Variants in GALNTL6 observed in about 807,000 individuals in gnomAD.
GALNTL6 encodes the protein polypeptide N-acetylgalactosaminyltransferase like 6.
Under a neutral mutation model 73.7 loss-of-function variants are expected in GALNTL6, and 46 were observed. The observed-to-expected ratio is 0.62, with a 90% confidence interval of 0.49 to 0.80. The LOEUF is 0.80. GALNTL6 is among the 30% of genes least tolerant of loss of function. The pLI is 0.00. For missense variants in GALNTL6, 604 were observed against 755.0 expected (o/e 0.80, Z 2.34); for synonymous variants, 259 against 263.7 (o/e 0.98, Z 0.17).
intron 5 of GALNTL6, among the ~76,000 whole-genome samples, chr4:172,687,797 G>A (rs965236783): frequency 6.6e-6 from 1 of 152,088 alleles, no homozygotes; most frequent in Non-Finnish European, 1.5e-5. Context: ...TTTGGGCTGG[G>A]GAAAAGCCCC....
chr4:171,880,598 A>G (rs1736420081), intron 2 of GALNTL6, among the ~76,000 whole-genome samples: 1 of 152,218 alleles, frequency 6.6e-6, no homozygotes, highest in African/African-American at 2.4e-5. Context: ...GCACAAAATA[A>G]CAACACTCAC....
At chr4:172,267,520 A>G (rs988705153) in intron 3 of GALNTL6, among the ~76,000 whole-genome samples, 2 of 152,118 alleles carry the variant, frequency 1.3e-5, no homozygotes, top group Non-Finnish European at 2.9e-5. Flanking sequence ...TTTCTCAGAG[A>G]ATCATGGAAG....
intron 5 of GALNTL6, among the ~76,000 whole-genome samples, chr4:172,493,551 A>G (rs996714999): frequency 1.3e-5 from 2 of 152,178 alleles, no homozygotes; most frequent in Non-Finnish European, 2.9e-5. Flanking sequence ...ACTTGGTACC[A>G]GGTTTAACCG....
chr4:171,874,680 G>T (rs17057526), intron 2 of GALNTL6, among the ~76,000 whole-genome samples: 37,752 of 152,036 alleles, frequency 0.25, 4,781 homozygotes, highest in Middle Eastern at 0.33. Flanking sequence ...GAAGTATTGA[G>T]TTTTTGTCCT....
chr4:172,409,744 T>C (rs1045809685), intron 5 of GALNTL6, among the ~76,000 whole-genome samples: 1 of 152,018 alleles, frequency 6.6e-6, no homozygotes, highest in Non-Finnish European at 1.5e-5. Flanking sequence ...TTAACAATTT[T>C]TGGATATAAT....
At chr4:172,412,915 T>C (rs560355526) in intron 5 of GALNTL6, among the ~76,000 whole-genome samples, 1 of 152,300 alleles carries the variant, frequency 6.6e-6, no homozygotes, top group South Asian at 2.1e-4. Context: ...TACTGCTGAC[T>C]GAGTCAAAAA....
intron 5 of GALNTL6, among the ~76,000 whole-genome samples, chr4:172,725,545 T>C (rs1298374234): frequency 6.6e-6 from 1 of 152,190 alleles, no homozygotes; most frequent in Non-Finnish European, 1.5e-5. Context: ...ACAGTATAAA[T>C]GTTCCTAATT....
chr4:171,940,025 T>C (rs1738479467), intron 2 of GALNTL6, among the ~76,000 whole-genome samples: 2 of 152,158 alleles, frequency 1.3e-5, no homozygotes, highest in African/African-American at 4.8e-5. Flanking sequence ...TAACTCACTG[T>C]ACGGTCTTCG....
intron 8 of GALNTL6, among the ~76,000 whole-genome samples, chr4:172,897,367 A>G (rs1332973612): frequency 6.6e-6 from 1 of 152,196 alleles, no homozygotes; most frequent in Non-Finnish European, 1.5e-5. Context: ...GATATGGGCA[A>G]TTCGCCCTCT....
rs113936268 is a variant in GALNTL6, at chr4:172,534,817, C to T, written c.553+186128C>T. Among the ~76,000 whole-genome samples, 462 of 152,270 alleles carry T rather than the reference C, an allele frequency of 3.0e-3. 2 individuals carry two copies. The highest frequency in any genetic ancestry group is 0.01 in the African/African-American group (425 of 41,544). On this transcript the variant is annotated intron_variant, in intron 5 of 12. Coordinates refer to ENST00000506823, the MANE Select transcript of GALNTL6 (RefSeq NM_001034845.3). ...TCCTGACTTCTTGATCTGCCCACCT[C>T]GGCCTCCCAAAGTACTGGGATTACA...
chr4:172,661,925 A>G (rs918876452), intron 5 of GALNTL6, among the ~76,000 whole-genome samples: 2 of 152,198 alleles, frequency 1.3e-5, no homozygotes, highest in African/African-American at 4.8e-5. Context: ...AAAGTGGATC[A>G]TGCAAATGTA....
At chr4:172,387,222 T>C (rs1053036477) in intron 5 of GALNTL6, among the ~76,000 whole-genome samples, 14 of 152,142 alleles carry the variant, frequency 9.2e-5, no homozygotes, top group African/African-American at 2.9e-4. Context: ...ATAGCACCTA[T>C]GTAGTAATCT....
intron 2 of GALNTL6, among the ~76,000 whole-genome samples, chr4:172,099,606 G>T (rs1326196805): frequency 6.6e-6 from 1 of 152,076 alleles, no homozygotes; most frequent in Non-Finnish European, 1.5e-5. Flanking sequence ...TAAGATAAAA[G>T]GATCCTTTGT....
At chr4:172,862,243 G>T (rs1028279195) in intron 7 of GALNTL6, among the ~76,000 whole-genome samples, 3 of 152,184 alleles carry the variant, frequency 2.0e-5, no homozygotes, top group Non-Finnish European at 4.4e-5. Flanking sequence ...TGAACCACTT[G>T]TTGGGAACTG....
At chr4:172,838,182 G>A (rs1010753503) in intron 7 of GALNTL6, among the ~76,000 whole-genome samples, 11 of 152,236 alleles carry the variant, frequency 7.2e-5, no homozygotes, top group East Asian at 3.9e-4. Flanking sequence ...GCCTCCTCCC[G>A]TCACACCTCC....
At chr4:172,309,894 A>T (rs1446931701) in intron 3 of GALNTL6, among the ~76,000 whole-genome samples, 1 of 152,136 alleles carries the variant, frequency 6.6e-6, no homozygotes, top group Non-Finnish European at 1.5e-5. Context: ...CAAAAATTGC[A>T]TAGGACTAAA....
chr4:171,971,030 A>T (rs982383218), intron 2 of GALNTL6, among the ~76,000 whole-genome samples: 2 of 152,200 alleles, frequency 1.3e-5, no homozygotes, highest in Admixed American at 6.5e-5. Context: ...CAAAACATTG[A>T]AATAAGCTCC....
chr4:172,311,710 A>G lies in GALNTL6; in HGVS notation c.344A>G (p.Asn115Ser), dbSNP rs1740367317. 1 of 1,610,284 alleles carries G rather than the reference A, an allele frequency of 6.2e-7. No homozygotes were observed. Among genetic ancestry groups the G allele is most frequent in the Admixed American group, 1.7e-5 (1 of 59,806 alleles). The change falls in exon 4 of 13, where the codon AAT (asparagine) becomes AGT (serine). Residue 115 changes from asparagine to serine, a missense_variant. Asn to Ser is a conservative substitution (Grantham distance 46). This residue lies in a region of GALNTL6 where 141 missense variants were observed against 156.6 expected (regional missense o/e 0.90). Transcript: ENST00000506823. ...GGTTTTAATATTTTCGTCAGCAACA[A>G]TATTGCTCTAGAGAGGTCTCTGCCA... is the stretch of plus-strand genomic sequence containing the variant. ...ENGFNIFVSN[N>S]IALERSLPDI...
chr4:172,011,647 T>C, intron 2 of GALNTL6, among the ~76,000 whole-genome samples: 1 of 152,044 alleles, frequency 6.6e-6, no homozygotes, highest in East Asian at 1.9e-4. Context: ...CTTTCCTATA[T>C]TATTTTTCCC....
Sources: gnomAD v4.1 joint callset for allele counts (sites outside exome capture counted in the v4.1 genomes callset) on GRCh38, gnomAD v4.1.1 for gene constraint, gnomAD v4.1.1 regional missense constraint, MANE v1.5 for transcripts, NCBI Gene and HGNC (gene_info 2026-07-23, HGNC 2026-07-21) for gene names.